MARK3: variants seen among roughly 807,000 people sequenced by gnomAD.
The protein encoded by MARK3 is microtubule affinity regulating kinase 3, also known as MAP/microtubule affinity-regulating kinase 3.
MARK3 carries 46 observed loss-of-function variants against 90.1 expected under a neutral mutation model. That is an observed-to-expected ratio of 0.51 (90% CI 0.40 to 0.65). The LOEUF (loss-of-function observed/expected upper bound fraction) is 0.65, where lower values mean the gene tolerates loss of function less well. Among genes scored for constraint, MARK3 ranks in the 30% least tolerant of loss-of-function variants. MARK3 has a pLI of 0.00. For synonymous variants in MARK3, 321 were observed against 332.6 expected (o/e 0.97, Z 0.38); for missense variants, 818 against 947.2 (o/e 0.86, Z 1.79).
intron 6 of MARK3, among the ~76,000 whole-genome samples, chr14:103,461,539 A>G (rs562134922): frequency 2.0e-5 from 3 of 152,330 alleles, no homozygotes; most frequent in Non-Finnish European, 2.9e-5. Flanking sequence ...TCATTCCTCC[A>G]TTTTAATAAA....
intron 6 of MARK3, among the ~76,000 whole-genome samples, chr14:103,459,639 A>T (rs866385302): frequency 1.1e-4 from 16 of 151,368 alleles, no homozygotes; most frequent in African/African-American, 3.9e-4. Flanking sequence ...AGCTGGGATT[A>T]CAAGTGTGCA....
At chr14:103,412,707 G>T in intron 2 of MARK3, 1 of 627,118 alleles carries the variant, frequency 1.6e-6, no homozygotes, top group Non-Finnish European at 2.9e-6. Flanking sequence ...TGGTTCCCGT[G>T]CAGGACTTCC....
At position 103,462,427 on chromosome 14, in the gene MARK3, G is replaced by A. The variant is rs2093420492; in HGVS notation, c.506G>A (p.Cys169Tyr). The change falls in exon 7 of 18, where the codon TGC (cysteine) becomes TAC (tyrosine). Residue 169 changes from cysteine (C) to tyrosine (Y), a missense_variant. By Grantham distance (194) the Cys-to-Tyr change is radical (BLOSUM62 -2). Around this residue, in one of 3 missense-constraint regions of MARK3, gnomAD observed 101 missense variants for 175.1 expected, o/e 0.58. Transcript: ENST00000429436. ...FRQIVSAVQY[C>Y]HQKRIVHRDL... ...CAGATTGTGTCTGCAGTTCAATACT[G>A]CCATCAGAAACGGATCGTACATCGA... 1.2e-6 allele frequency: 2 copies of A among 1,604,106 alleles called. No homozygotes were observed. The highest frequency in any genetic ancestry group is 1.3e-5 in the African/African-American group (1 of 74,750).
chr14:103,445,004 C>A (rs1042145575), intron 3 of MARK3, among the ~76,000 whole-genome samples: 1 of 152,060 alleles, frequency 6.6e-6, no homozygotes, highest in Non-Finnish European at 1.5e-5. Flanking sequence ...TTGTCAACTT[C>A]GTAAAAAGCT....
chr14:103,453,012 A>G lies in MARK3; in HGVS notation c.412+1029A>G, dbSNP rs17095909. ...TAGATGCTTTTCTTTACCAGATTTT[A>G]ATGTCGCTGGTGTCTGTCTTCCCCA... On this transcript the variant is annotated intron_variant, in intron 5 of 17. Coordinates refer to ENST00000429436, the MANE Select transcript of MARK3 (RefSeq NM_001128918.3). Among the ~76,000 whole-genome samples, 824 of 152,292 alleles carry G rather than the reference A, an allele frequency of 5.4e-3. 5 individuals are homozygous for G. Among genetic ancestry groups the G allele is most frequent in the African/African-American group, 0.019 (789 of 41,572 alleles).
chr14:103,462,535 T>C, intron 7 of MARK3, 74 bp downstream of exon 7: 1 of 1,123,754 alleles, frequency 8.9e-7, no homozygotes, highest in Non-Finnish European at 1.3e-6. Context: ...ATTACACAAA[T>C]GAGGTATAGA....
intron 5 of MARK3, among the ~76,000 whole-genome samples, chr14:103,452,815 C>T (rs915931494): frequency 6.6e-6 from 1 of 152,200 alleles, no homozygotes; most frequent in Non-Finnish European, 1.5e-5. Flanking sequence ...AGCATAGTGT[C>T]CTCAAGGTTC....
intron 1 of MARK3, among the ~76,000 whole-genome samples, chr14:103,390,499 A>G (rs535124509): frequency 5.9e-5 from 9 of 152,208 alleles, no homozygotes; most frequent in African/African-American, 1.7e-4. Context: ...GGGGTGTCCA[A>G]TCTTTTGGCT....
intron 3 of MARK3, among the ~76,000 whole-genome samples, chr14:103,437,335 A>G (rs911305590): frequency 6.6e-6 from 1 of 152,094 alleles, no homozygotes; most frequent in Non-Finnish European, 1.5e-5. Flanking sequence ...CGGAGCTTGC[A>G]GTGAGCCGAG....
intron 14 of MARK3, among the ~76,000 whole-genome samples, chr14:103,481,602 T>C (rs534592027): frequency 5.2e-4 from 78 of 148,608 alleles, no homozygotes; most frequent in African/African-American, 1.9e-3. Context: ...CGTTGAATTT[T>C]TAGCAATATT....
intron 2 of MARK3, chr14:103,412,762 G>T: frequency 1.9e-6 from 1 of 513,380 alleles, no homozygotes; most frequent in Non-Finnish European, 3.7e-6. Context: ...TGCTGCTTAT[G>T]GGTTCTCATG....
At chr14:103,491,542 CT>C (rs2094016509) in intron 14 of MARK3, 5 of 465,852 alleles carry the variant, frequency 1.1e-5, no homozygotes, top group Non-Finnish European at 1.9e-5. Flanking sequence ...TAATCTTGTC[CT>C]TGAAAATATA....
intron 1 of MARK3, among the ~76,000 whole-genome samples, chr14:103,402,195 A>C (rs2091003937): frequency 6.6e-6 from 1 of 152,208 alleles, no homozygotes; most frequent in Admixed American, 6.5e-5. Context: ...CTAAGGAGTT[A>C]GTATTTTATT....
At chr14:103,462,820 G>T (rs1469395079) in intron 7 of MARK3, among the ~76,000 whole-genome samples, 1 of 152,136 alleles carries the variant, frequency 6.6e-6, no homozygotes, top group African/African-American at 2.4e-5. Context: ...TAACAGCAGT[G>T]CCTGTTTGAG....
At chr14:103,443,628 T>TAGAGCGTTTGA (rs1171941444) in intron 3 of MARK3, among the ~76,000 whole-genome samples, 1 of 152,092 alleles carries the variant, frequency 6.6e-6, no homozygotes, top group African/African-American at 2.4e-5. Flanking sequence ...CTTTGAGACT[T>TAGAGCGTTTGA]AGAGCGTTTG....
intron 3 of MARK3, among the ~76,000 whole-genome samples, chr14:103,438,753 G>A (rs1051834105): frequency 2.0e-5 from 3 of 152,058 alleles, no homozygotes; most frequent in Admixed American, 2.0e-4. Context: ...CAGCACTTTG[G>A]GTGACCAAGG....
At chr14:103,462,317 T>C (rs2093418207) in intron 6 of MARK3, 88 bp from the exon 7 acceptor site, 2 of 904,598 alleles carry the variant, frequency 2.2e-6, no homozygotes, top group African/African-American at 3.2e-5. Context: ...TACTGAGTAT[T>C]CATTATGTGT....
At chr14:103,491,126 C>CGG (rs768904049) in intron 14 of MARK3, 134 of 1,249,746 alleles carry the variant, frequency 1.1e-4, no homozygotes, top group Non-Finnish European at 1.4e-4. Flanking sequence ...AATGCACATT[C>CGG]TTTGTGAAAC....
Position 103,462,885 on chromosome 14 carries a change from G to A in MARK3, c.540+424G>A, listed in dbSNP as rs536031223. Among the ~76,000 whole-genome samples the A allele has an allele frequency of 1.1e-4, 17 of 152,204 alleles. 1 individual carries two copies. In the South Asian group the frequency reaches 3.5e-3, roughly 32 times the overall value. ...TCACTCTGGCATAGGATGAGGTTTC[G>A]TATCGCACAGAGAAAATAGAAACAC... On this transcript the variant is annotated intron_variant, in intron 7 of 17. Coordinates refer to ENST00000429436, the MANE Select transcript of MARK3 (RefSeq NM_001128918.3).
Sources: gnomAD v4.1 joint callset for allele counts (sites outside exome capture counted in the v4.1 genomes callset) on GRCh38, gnomAD v4.1.1 for gene constraint, gnomAD v4.1.1 regional missense constraint, MANE v1.5 for transcripts, NCBI Gene and HGNC (gene_info 2026-07-23, HGNC 2026-07-21) for gene names.